MYZAP: variants seen among roughly 807,000 people sequenced by gnomAD.
MYZAP encodes GRINL1A complex locus upstream.
Under a neutral mutation model 69.4 loss-of-function variants are expected in MYZAP, and 66 were observed. The observed-to-expected ratio is 0.95, with a 90% confidence interval of 0.78 to 1.17. MYZAP has a LOEUF of 1.17. MYZAP is among the 50% of genes most tolerant of loss of function. MYZAP has a pLI of 0.00. For synonymous variants in MYZAP, 256 were observed against 205.9 expected, an observed-to-expected ratio of 1.24 and a Z score of -2.09; for missense variants, 611 against 556.2, an observed-to-expected ratio of 1.10 and a Z score of -0.99.
At chr15:57,652,212 A>G (rs1289659239) in intron 10 of MYZAP, among the ~76,000 whole-genome samples, 18 of 152,142 alleles carry the variant, frequency 1.2e-4, no homozygotes, top group African/African-American at 4.1e-4. Flanking sequence ...TCAGTGCTTC[A>G]TTTAGCAATT....
At chr15:57,658,022 C>T (rs1218862416) in intron 10 of MYZAP, among the ~76,000 whole-genome samples, 17 of 152,018 alleles carry the variant, frequency 1.1e-4, no homozygotes, top group Non-Finnish European at 2.4e-4. Flanking sequence ...TTTTTTCTTA[C>T]GGGTGTTTCT....
intron 1 of MYZAP, among the ~76,000 whole-genome samples, chr15:57,593,322 C>A (rs2033847271): frequency 6.6e-6 from 1 of 152,038 alleles, no homozygotes; most frequent in South Asian, 2.1e-4. Context: ...GGTTTCCAAC[C>A]ACAGTCCTGG....
intron 1 of MYZAP, among the ~76,000 whole-genome samples, chr15:57,604,008 G>A (rs955514811): frequency 1.5e-4 from 23 of 152,194 alleles, no homozygotes; most frequent in African/African-American, 5.6e-4. Context: ...TGAGCCATTG[G>A]TAAAGAAATG....
intron 2 of MYZAP, among the ~76,000 whole-genome samples, chr15:57,617,680 A>G (rs76345493): frequency 2.8e-4 from 43 of 152,336 alleles, no homozygotes; most frequent in African/African-American, 1.0e-3. Context: ...AGAAGCTGGG[A>G]TAAGGGGAAA....
chr15:57,629,102 A>G (rs1047544976), intron 5 of MYZAP, among the ~76,000 whole-genome samples: 17 of 151,612 alleles, frequency 1.1e-4, no homozygotes, highest in Admixed American at 3.3e-4. Flanking sequence ...AAAAAAAAAA[A>G]AAAAAGAAAA....
chr15:57,646,821 A>C, intron 10 of MYZAP: 2 of 985,426 alleles, frequency 2.0e-6, no homozygotes, highest in Non-Finnish European at 1.2e-6. Flanking sequence ...GGTTCAACCA[A>C]CTTCACGAAA....
intron 11 of MYZAP, among the ~76,000 whole-genome samples, chr15:57,668,413 A>G (rs754606513): frequency 7.9e-5 from 12 of 152,158 alleles, no homozygotes; most frequent in Admixed American, 2.6e-4. Flanking sequence ...TGAGTGTACC[A>G]GTGTCTCCAT....
intron 1 of MYZAP, chr15:57,599,633 G>A: frequency 1.6e-6 from 2 of 1,289,178 alleles, no homozygotes; most frequent in Non-Finnish European, 2.0e-6. Context: ...TGCCAAGCCT[G>A]GGGCATCTCT....
chr15:57,620,493 C>T (rs2035738743), intron 3 of MYZAP, among the ~76,000 whole-genome samples: 1 of 152,184 alleles, frequency 6.6e-6, no homozygotes, highest in African/African-American at 2.4e-5. Context: ...AGGGAGGAGA[C>T]AGGGACTGTT....
intron 5 of MYZAP, among the ~76,000 whole-genome samples, chr15:57,627,353 AAG>A (rs1396747671): frequency 7.5e-6 from 1 of 132,926 alleles, no homozygotes; most frequent in East Asian, 2.7e-4. Flanking sequence ...GAGAAACAGA[AAG>A]AGAGAGACAA....
At chr15:57,624,916 A>G (rs999999913) in intron 4 of MYZAP, among the ~76,000 whole-genome samples, 1 of 152,144 alleles carries the variant, frequency 6.6e-6, no homozygotes, top group Non-Finnish European at 1.5e-5. Context: ...CAGAGGCCAC[A>G]TGGGGGGCCT....
At chr15:57,668,290 G>C (rs1423252183) in intron 11 of MYZAP, among the ~76,000 whole-genome samples, 4 of 152,148 alleles carry the variant, frequency 2.6e-5, no homozygotes, top group Non-Finnish European at 4.4e-5. Context: ...AGTTCCTCTT[G>C]GGTAAATTCC....
intron 11 of MYZAP, among the ~76,000 whole-genome samples, chr15:57,664,968 T>A (rs2038494655): frequency 6.6e-6 from 1 of 152,244 alleles, no homozygotes; most frequent in South Asian, 2.1e-4. Context: ...AGTACCTGGC[T>A]CATGGTAAAT....
At chr15:57,613,208 A>G (rs2035221473) in intron 2 of MYZAP, among the ~76,000 whole-genome samples, 2 of 152,194 alleles carry the variant, frequency 1.3e-5, no homozygotes, top group Admixed American at 6.5e-5. Context: ...CTGGGATTAC[A>G]GGCATGAGCC....
intron 2 of MYZAP, among the ~76,000 whole-genome samples, chr15:57,605,595 C>T (rs1430044755): frequency 6.6e-6 from 1 of 152,130 alleles, no homozygotes; most frequent in African/African-American, 2.4e-5. Flanking sequence ...AGAGAGCTGC[C>T]TGTGCTGATG....
intron 11 of MYZAP, among the ~76,000 whole-genome samples, chr15:57,664,133 C>A (rs1237697545): frequency 1.3e-5 from 2 of 150,018 alleles, no homozygotes; most frequent in Non-Finnish European, 3.0e-5. Flanking sequence ...TTTCTTAGGG[C>A]TAACATCATT....
chr15:57,617,299 T>C (rs117758918), intron 2 of MYZAP, among the ~76,000 whole-genome samples: 2,248 of 152,300 alleles, frequency 0.015, 30 homozygotes, highest in South Asian at 0.045. Flanking sequence ...ATAGTAGGTT[T>C]TCAACAAATC....
chr15:57,655,492 T>G (rs902209261), intron 10 of MYZAP, among the ~76,000 whole-genome samples: 1 of 152,142 alleles, frequency 6.6e-6, no homozygotes, highest in African/African-American at 2.4e-5. Context: ...CCAGAGCACC[T>G]GTATTTTGTA....
rs2039632381 is a variant in MYZAP, at chr15:57,685,147, C to G, written c.*649C>G. The G allele has an allele frequency of 6.6e-6, 1 of 152,134 alleles. No homozygotes were observed. The highest frequency in any genetic ancestry group is 1.5e-5 in the Non-Finnish European group (1 of 68,030). The allele number at this position is 152,134 out of a possible 1,614,324, so 9.4% of individuals were successfully genotyped here. The stretch of plus-strand genomic sequence containing the variant: ...GTGCCTTATGCTTTCATTGGACCAG[C>G]TGAAATCACTGTATTTATTCAACTA... On this transcript the variant is annotated 3_prime_UTR_variant, in exon 13 of 13. Coordinates refer to ENST00000267853, the MANE Select transcript of MYZAP (RefSeq NM_001018100.5).
Sources: gnomAD v4.1 joint callset for allele counts (sites outside exome capture counted in the v4.1 genomes callset) on GRCh38, gnomAD v4.1.1 for gene constraint, MANE v1.5 for transcripts, NCBI Gene and HGNC (gene_info 2026-07-23, HGNC 2026-07-21) for gene names.